Variants in GNA12 observed in about 807,000 individuals in gnomAD.
GNA12 encodes the protein guanine nucleotide-binding protein subunit alpha-12.
In GNA12, 9 loss-of-function variants were observed where a neutral mutation model predicts 26.0. The ratio of observed to expected loss-of-function variants is 0.35; its 90% CI spans 0.21 to 0.60. The LOEUF (loss-of-function observed/expected upper bound fraction) is 0.60. GNA12 is among the 20% of genes least tolerant of loss of function. The pLI is 0.78. For synonymous variants in GNA12, 264 were observed against 219.6 expected, an observed-to-expected ratio of 1.20 and a Z score of -1.79; for missense variants, 405 against 525.8, an observed-to-expected ratio of 0.77 and a Z score of 2.25.
In GNA12 at chr7:2,839,460, T is replaced by G. The variant is rs1391562414; in HGVS notation, c.309+4393A>C. 2.0e-5 allele frequency among the ~76,000 whole-genome samples: 3 copies of G among 152,294 alleles called. No individual in the cohort carries two copies. In the East Asian group the frequency reaches 5.8e-4, roughly 30 times the overall value. ...GTACAGTGGCGTGCTCTCTGTGCAC[T>G]GCAACCTATGCCTCCTAGGTTCAAG... On this transcript the variant is annotated intron_variant, in intron 1 of 3. Coordinates refer to ENST00000275364, the MANE Select transcript of GNA12 (RefSeq NM_007353.3).
chr7:2,761,639 G>T (rs1172769747), intron 2 of GNA12, among the ~76,000 whole-genome samples: 2 of 152,104 alleles, frequency 1.3e-5, no homozygotes, highest in South Asian at 2.1e-4. Flanking sequence ...CTCTCAGGAC[G>T]GAACCCAAAG....
At position 2,795,420 on chromosome 7, in the gene GNA12, C is replaced by G. The variant is rs118176297; in HGVS notation, c.310-277G>C. Among the ~76,000 whole-genome samples, 1,138 of 152,188 alleles carry G rather than the reference C, an allele frequency of 7.5e-3. 10 individuals carry two copies. Among genetic ancestry groups the G allele is most frequent in the Middle Eastern group, 0.071 (21 of 294 alleles). The stretch of plus-strand genomic sequence containing the variant: ...CCAAAGAGGGAGGACTGCTGGAACA[C>G]AGGAGTCTGAGACCGGCCTGGGCAA... On this transcript the variant is annotated intron_variant, in intron 1 of 3. Coordinates refer to ENST00000275364, the MANE Select transcript of GNA12 (RefSeq NM_007353.3).
chr7:2,767,009 T>C (rs1410043159), intron 2 of GNA12, among the ~76,000 whole-genome samples: 3 of 152,264 alleles, frequency 2.0e-5, no homozygotes, highest in Non-Finnish European at 2.9e-5. Context: ...ATACTTTGCA[T>C]AGGCTAGATG....
intron 1 of GNA12, among the ~76,000 whole-genome samples, chr7:2,841,845 T>C (rs1778997329): frequency 1.3e-5 from 2 of 152,166 alleles, no homozygotes; most frequent in South Asian, 4.2e-4. Context: ...ATTTAAAATC[T>C]CCCAGGCACC....
chr7:2,729,176 T>G lies in GNA12; in HGVS notation c.*2005A>C, dbSNP rs1379351619. 1 of 152,330 alleles carries G rather than the reference T, an allele frequency of 6.6e-6. No homozygotes were observed. The highest frequency in any genetic ancestry group is 1.5e-5 in the Non-Finnish European group (1 of 68,042). The allele number at this position is 152,330 out of a possible 1,614,324, so 9.4% of individuals were successfully genotyped here. ...CTCTCCCCGTTGGCGGAGGACCCGCTTGCACTTCCTCTGGGCTCTGGATTC... is the reference window on the plus strand; with the variant it reads ...CTCTCCCCGTTGGCGGAGGACCCGCGTGCACTTCCTCTGGGCTCTGGATTC... On this transcript the variant is annotated 3_prime_UTR_variant, in exon 4 of 4. Coordinates refer to ENST00000275364, the MANE Select transcript of GNA12 (RefSeq NM_007353.3).
chr7:2,740,164 A>T (rs541287784), intron 2 of GNA12, among the ~76,000 whole-genome samples: 1 of 151,296 alleles, frequency 6.6e-6, no homozygotes, highest in South Asian at 2.1e-4. Flanking sequence ...CTCCAGTGTG[A>T]TCTTTTCTGG....
In GNA12 at chr7:2,733,508, G is replaced by C. The variant is rs372216044; in HGVS notation, c.526-7C>G. The C allele has an allele frequency of 3.7e-6, 6 of 1,611,884 alleles. No individual in the cohort carries two copies. Among genetic ancestry groups the C allele is most frequent in the Non-Finnish European group, 5.1e-6 (6 of 1,178,234 alleles). On this transcript the variant is annotated splice_polypyrimidine_tract_variant and splice_region_variant and intron_variant, in intron 2 of 3. Transcript: ENST00000275364. Reference sequence around the variant, plus strand: ...AGTACTTCACCGACTCCCCCTGTCAGGAAGGAAGAATATTCACAGCTCAGT... The same window carrying C: ...AGTACTTCACCGACTCCCCCTGTCACGAAGGAAGAATATTCACAGCTCAGT...
chr7:2,784,941 C>T (rs371507415), intron 2 of GNA12, among the ~76,000 whole-genome samples: 3 of 152,174 alleles, frequency 2.0e-5, no homozygotes, highest in Admixed American at 1.3e-4. Context: ...ATTATTAACT[C>T]TATTACATCA....
intron 2 of GNA12, chr7:2,760,241 C>A (rs997842026): frequency 6.6e-6 from 1 of 152,448 alleles, no homozygotes; most frequent in Non-Finnish European, 1.5e-5. Flanking sequence ...GGAGGGCACA[C>A]CCCAGCACGA....
At chr7:2,793,316 AAGCAGCGGACAGGACGCGAGAGG>A (rs1328909439) in intron 2 of GNA12, among the ~76,000 whole-genome samples, 8 of 146,000 alleles carry the variant, frequency 5.5e-5, no homozygotes, top group East Asian at 1.9e-4. Context: ...ACGCGAGAGG[AAGCAGCGGACAGGACGCGAGAGG>A]AAGCAGCGGA....
At chr7:2,771,805 G>A (rs528026946) in intron 2 of GNA12, among the ~76,000 whole-genome samples, 1 of 151,532 alleles carries the variant, frequency 6.6e-6, no homozygotes, top group South Asian at 2.1e-4. Flanking sequence ...ACATGTGGAA[G>A]GGCTAGCTCA....
At position 2,798,297 on chromosome 7, in the gene GNA12, C is replaced by CA. The variant is rs538301798; in HGVS notation, c.310-3155dup. Among the ~76,000 whole-genome samples, 484 of 152,002 alleles carry CA rather than the reference C, an allele frequency of 3.2e-3. 2 individuals are homozygous for CA. The highest frequency in any genetic ancestry group is 0.011 in the African/African-American group (449 of 41,410). On this transcript the variant is annotated intron_variant, in intron 1 of 3. Coordinates refer to ENST00000275364, the MANE Select transcript of GNA12 (RefSeq NM_007353.3). ...TGTTGAAAATCCCAAAGTAATCTAC[C>CA]AAAAAAACTCCTAGAATAAACAAAT...
At chr7:2,764,335 A>T (rs2115408646) in intron 2 of GNA12, among the ~76,000 whole-genome samples, 1 of 151,198 alleles carries the variant, frequency 6.6e-6, no homozygotes, top group Non-Finnish European at 1.5e-5. Context: ...CTCCCATCTC[A>T]GCCTCCCAAA....
intron 1 of GNA12, among the ~76,000 whole-genome samples, chr7:2,833,351 C>T (rs948991801): frequency 2.6e-5 from 4 of 152,104 alleles, no homozygotes; most frequent in South Asian, 2.1e-4. Flanking sequence ...CATTTAAAAC[C>T]GGTACGATCC....
chr7:2,829,515 A>G (rs1793555127), intron 1 of GNA12, among the ~76,000 whole-genome samples: 1 of 152,132 alleles, frequency 6.6e-6, no homozygotes, highest in African/African-American at 2.4e-5. Context: ...GACGATGCTG[A>G]GTTTTCAATC....
intron 2 of GNA12, among the ~76,000 whole-genome samples, chr7:2,734,887 G>A (rs745481717): frequency 2.0e-5 from 3 of 152,164 alleles, no homozygotes; most frequent in Non-Finnish European, 4.4e-5. Context: ...AGTAGGGAAG[G>A]CATCGGGAGT....
At position 2,731,592 on chromosome 7, in the gene GNA12, G is replaced by A. The variant is rs1187118331; in HGVS notation, c.735C>T (p.Ile245=). ...RQKWFQCFDG[I]TSILFMVSSS... ...AGGAGACCATGAACAGGATGGACGTGATCCCGTCGAAGCACTGGAACCACT... is the reference window on the plus strand; with the variant it reads ...AGGAGACCATGAACAGGATGGACGTAATCCCGTCGAAGCACTGGAACCACT... The change falls in exon 4 of 4, where the codon ATC becomes ATT. Residue 245 remains isoleucine (I), a synonymous_variant. Coordinates refer to ENST00000275364, the MANE Select transcript of GNA12 (RefSeq NM_007353.3). This position sits in a 1 kb window ranked among gnomAD's most constrained non-coding sequence, Gnocchi z 6.0. The A allele has an allele frequency of 6.2e-7, 1 of 1,613,636 alleles. No homozygotes were observed. Among genetic ancestry groups the A allele is most frequent in the Non-Finnish European group, 8.5e-7 (1 of 1,179,784 alleles).
intron 2 of GNA12, among the ~76,000 whole-genome samples, chr7:2,743,110 AAG>A (rs1178908235): frequency 6.6e-6 from 1 of 152,204 alleles, no homozygotes; most frequent in African/African-American, 2.4e-5. Flanking sequence ...CCAAAAAGAA[AAG>A]AGTCAGTGAG....
At chr7:2,804,570 T>C (rs958209306) in intron 1 of GNA12, among the ~76,000 whole-genome samples, 11 of 152,144 alleles carry the variant, frequency 7.2e-5, no homozygotes, top group Non-Finnish European at 1.5e-4. Flanking sequence ...TTGGGTTTTG[T>C]GAAAAACTGA....
Sources: allele counts gnomAD v4.1 joint callset (sites outside exome capture counted in the v4.1 genomes callset), GRCh38; gene constraint gnomAD v4.1.1; non-coding constraint Gnocchi (gnomAD v3.1); transcripts MANE v1.5; gene names NCBI Gene and HGNC (gene_info 2026-07-23, HGNC 2026-07-21).